Variants in ARID4A observed in about 807,000 individuals in gnomAD.
The protein encoded by ARID4A is AT-rich interactive domain-containing protein 4A.
A neutral mutation model predicts 148.6 loss-of-function variants in ARID4A; 39 were observed. The ratio of observed to expected loss-of-function variants is 0.26; its 90% CI spans 0.20 to 0.34. The LOEUF (loss-of-function observed/expected upper bound fraction) is 0.34. Among genes scored for constraint, ARID4A ranks in the 10% least tolerant of loss-of-function variants. ARID4A has a pLI of 1.00. For missense variants in ARID4A, 1,265 were observed against 1,449.1 expected, an observed-to-expected ratio of 0.87 and a Z score of 2.06; for synonymous variants, 475 against 481.2, an observed-to-expected ratio of 0.99 and a Z score of 0.17.
intron 20 of ARID4A, 89 bp downstream of exon 20, chr14:58,365,389 T>C: frequency 6.9e-7 from 1 of 1,450,442 alleles, no homozygotes; most frequent in Non-Finnish European, 9.3e-7. Flanking sequence ...TGTAAAGTAC[T>C]TTCTTTTTCT....
chr14:58,310,415 A>C (rs1017469405), intron 5 of ARID4A, among the ~76,000 whole-genome samples: 1 of 152,200 alleles, frequency 6.6e-6, no homozygotes, highest in African/African-American at 2.4e-5. Context: ...ACTGGCACAA[A>C]AATAGACACA....
chr14:58,310,418 T>C (rs149929362), intron 5 of ARID4A, among the ~76,000 whole-genome samples: 140 of 152,230 alleles, frequency 9.2e-4, no homozygotes, highest in African/African-American at 3.2e-3. Flanking sequence ...GGCACAAAAA[T>C]AGACACATAG....
chr14:58,339,736 C>T (rs1037809360), intron 11 of ARID4A, among the ~76,000 whole-genome samples: 1 of 152,036 alleles, frequency 6.6e-6, no homozygotes, highest in Non-Finnish European at 1.5e-5. Context: ...GTTTAATTGA[C>T]TCACAGTTCC....
intron 8 of ARID4A, among the ~76,000 whole-genome samples, chr14:58,326,701 C>T (rs1230668013): frequency 6.6e-6 from 1 of 152,102 alleles, no homozygotes; most frequent in Non-Finnish European, 1.5e-5. Flanking sequence ...CTGGAGGTGG[C>T]AGGAATCTAT....
At position 58,371,977 on chromosome 14, in the gene ARID4A, A is replaced by G. The variant is rs2035635927; in HGVS notation, c.3762A>G (p.Val1254=). ...CTCCCCCACAAAATGTACTTGCTGT[A>G]GAATGCAGGTGATAAACATTTTCTC... ...SSSPPQNVLA[V]ECR The change falls in exon 24 of 24, where the codon GTA becomes GTG. Residue 1254 remains valine, a synonymous_variant. Transcript: ENST00000355431. 1.9e-6 allele frequency: 3 copies of G among 1,605,116 alleles called. No homozygotes were observed. The highest frequency in any genetic ancestry group is 2.6e-6 in the Non-Finnish European group (3 of 1,171,912).
intron 19 of ARID4A, 29 bp from the exon 20 acceptor site, chr14:58,364,141 G>C (rs527281448): frequency 1.7e-6 from 2 of 1,161,754 alleles, no homozygotes; most frequent in East Asian, 2.9e-5. Flanking sequence ...ATAAAAACCT[G>C]TATAATATAA....
rs1321269355 is a variant in ARID4A at position 58,372,049 on chromosome 14, G to C, written c.*60G>C. On this transcript the variant is annotated 3_prime_UTR_variant, in exon 24 of 24. Transcript: ENST00000355431. ...CCATGGACATAAATCCCCAAACCCT[G>C]AATTACAACCACAGAAAGCACTCAA... The C allele has an allele frequency of 8.4e-7, 1 of 1,193,026 alleles. No homozygotes were observed. Among genetic ancestry groups the C allele is most frequent in the Non-Finnish European group, 1.2e-6 (1 of 808,436 alleles). The allele number at this position is 1,193,026 out of a possible 1,614,324, so 73.9% of individuals were successfully genotyped here. A position where few individuals can be genotyped will look rare whatever the true frequency, so the allele number is the denominator to read the frequency against.
At position 58,319,521 on chromosome 14, in the gene ARID4A, C is replaced by CTTTTTTTT. The variant is rs71107934; in HGVS notation, c.449+748_449+755dup. Among the ~76,000 whole-genome samples, 8 of 62,090 alleles carry CTTTTTTTT rather than the reference C, an allele frequency of 1.3e-4. 2 individuals carry two copies. The highest frequency in any genetic ancestry group is 5.1e-4 in the East Asian group (1 of 1,944). The allele number at this position is 62,090 out of a possible 152,430, so 40.7% of individuals were successfully genotyped here. On this transcript the variant is annotated intron_variant, in intron 7 of 23. Coordinates refer to ENST00000355431, the MANE Select transcript of ARID4A (RefSeq NM_002892.4). Reference sequence around the variant, plus strand: ...ATCTGTGTATGAATGTCTATATACTCTTTTTTTTTTTTTTTTTTTTTTTTT... The same window carrying CTTTTTTTT: ...ATCTGTGTATGAATGTCTATATACTCTTTTTTTTTTTTTTTTTTTTTTTTTTTTTTTTT...
chr14:58,334,149 T>G (rs573549371), intron 11 of ARID4A, among the ~76,000 whole-genome samples: 109 of 152,284 alleles, frequency 7.2e-4, no homozygotes, highest in Middle Eastern at 3.4e-3. Context: ...CACAAAAATA[T>G]AGCTACATAC....
chr14:58,316,539 C>T (rs2032424261), intron 5 of ARID4A, among the ~76,000 whole-genome samples: 1 of 152,102 alleles, frequency 6.6e-6, no homozygotes, highest in East Asian at 1.9e-4. Context: ...TTCCTTACCC[C>T]ATTTCCTTGA....
chr14:58,371,515 G>A lies in ARID4A; in HGVS notation c.3671-371G>A, dbSNP rs375155792. Reference sequence around the variant, plus strand: ...CTCTGAGTTAAATTAATTCTCTTACGGTCCTATGACCCATAGATAAAGCAG... The same window carrying A: ...CTCTGAGTTAAATTAATTCTCTTACAGTCCTATGACCCATAGATAAAGCAG... On this transcript the variant is annotated intron_variant, in intron 23 of 23. Transcript: ENST00000355431. Among the ~76,000 whole-genome samples the A allele has an allele frequency of 2.6e-5, 4 of 152,096 alleles. 1 individual carries two copies.
intron 17 of ARID4A, among the ~76,000 whole-genome samples, chr14:58,356,835 G>A (rs763962879): frequency 5.9e-5 from 9 of 151,816 alleles, no homozygotes; most frequent in Non-Finnish European, 1.2e-4. Flanking sequence ...CCAAGTAGCT[G>A]GGACTACAGA....
In ARID4A at chr14:58,364,153, A is replaced by C. The variant is rs756738340; in HGVS notation, c.2081-17A>C. On this transcript the variant is annotated splice_polypyrimidine_tract_variant and intron_variant, in intron 19 of 23. Transcript: ENST00000355431. The stretch of plus-strand genomic sequence containing the variant: ...AATATAAAAACCTGTATAATATAAT[A>C]ATATTTCCTCTTACAGACTCTTGTT... 3.2e-6 allele frequency: 4 copies of C among 1,243,684 alleles called. No homozygotes were observed. In the South Asian group the frequency reaches 9.2e-5, roughly 28 times the overall value. The allele number at this position is 1,243,684 out of a possible 1,614,324, so 77.0% of individuals were successfully genotyped here.
Position 58,330,098 on chromosome 14 carries a change from G to C in ARID4A, c.835G>C (p.Asp279His), listed in dbSNP as rs775983032. ...AATCCTTGAGTCATCCAGTAGTGAT[G>C]ATGAAGATGGCCCAGCTGAAGAAAA... ...SEILESSSSDDEDGPAEENDE... is the reference protein window; with the variant it reads ...SEILESSSSDHEDGPAEENDE... Residue 279 changes from aspartate (D) to histidine (H), a missense_variant, in exon 11 of 24, where the codon GAT (aspartate) becomes CAT (histidine). Asp to His is a moderately conservative substitution (Grantham distance 81, BLOSUM62 -1). Coordinates refer to ENST00000355431, the MANE Select transcript of ARID4A (RefSeq NM_002892.4). 2 of 1,613,506 alleles carry C rather than the reference G, an allele frequency of 1.2e-6. No individual in the cohort carries two copies. Among genetic ancestry groups the C allele is most frequent in the Non-Finnish European group, 1.7e-6 (2 of 1,179,802 alleles).
At chr14:58,317,893 G>A (rs192967863) in intron 5 of ARID4A, among the ~76,000 whole-genome samples, 6 of 151,582 alleles carry the variant, frequency 4.0e-5, no homozygotes, top group Admixed American at 1.3e-4. Flanking sequence ...GAGCACTTTC[G>A]GAGGCTTAGG....
Position 58,304,816 on chromosome 14 carries a change from A to G in ARID4A, c.118-128A>G, listed in dbSNP as rs375980956. 400 of 741,600 alleles carry G rather than the reference A, an allele frequency of 5.4e-4. 2 individuals carry two copies. The African/African-American group carries it at 6.3e-3, about 12-fold the overall frequency. The allele number at this position is 741,600 out of a possible 1,614,324, so 45.9% of individuals were successfully genotyped here. A position where few individuals can be genotyped will look rare whatever the true frequency, so the allele number is the denominator to read the frequency against. Reference sequence around the variant, plus strand: ...CAGTTAATAAGAGAATGTAATAAGTATTACATTAGCAGGGGTCACCACATG... The same window carrying G: ...CAGTTAATAAGAGAATGTAATAAGTGTTACATTAGCAGGGGTCACCACATG... On this transcript the variant is annotated intron_variant, in intron 3 of 23. Coordinates refer to ENST00000355431, the MANE Select transcript of ARID4A (RefSeq NM_002892.4).
At chr14:58,365,715 GT>G in intron 21 of ARID4A, 93 bp downstream of exon 21, 1 of 1,084,390 alleles carries the variant, frequency 9.2e-7, no homozygotes, top group Non-Finnish European at 1.3e-6. Context: ...ATACTATATT[GT>G]TTTATAACTG....
intron 17 of ARID4A, among the ~76,000 whole-genome samples, chr14:58,357,206 G>C (rs2034912949): frequency 6.6e-6 from 1 of 152,204 alleles, no homozygotes; most frequent in African/African-American, 2.4e-5. Flanking sequence ...GCTAATATGA[G>C]TGTTCTGAGC....
Position 58,365,556 on chromosome 14 carries a change from G to A in ARID4A, c.3250G>A (p.Ala1084Thr). 1 of 1,594,310 alleles carries A rather than the reference G, an allele frequency of 6.3e-7. No individual in the cohort carries two copies. Among genetic ancestry groups the A allele is most frequent in the Non-Finnish European group, 8.5e-7 (1 of 1,170,806 alleles). ...AAGTGATGGAAATAGTGGATTAATG[G>A]CAAAAAAGCAAAAGCGTACCCCAAA... ...RPSDGNSGLM[A>T]KKQKRTPKRT... is the part of the protein sequence containing the mutation. Residue 1084 changes from alanine to threonine, a missense_variant, in exon 21 of 24, where the codon GCA becomes ACA. Ala to Thr is a moderately conservative substitution (Grantham distance 58). Around this residue, in one of 9 missense-constraint regions of ARID4A, gnomAD observed 666 missense variants for 730.9 expected, o/e 0.91. Coordinates refer to ENST00000355431, the MANE Select transcript of ARID4A (RefSeq NM_002892.4).
Sources: gnomAD v4.1 joint callset for allele counts (sites outside exome capture counted in the v4.1 genomes callset) on GRCh38, gnomAD v4.1.1 for gene constraint, gnomAD v4.1.1 regional missense constraint, MANE v1.5 for transcripts, NCBI Gene and HGNC (gene_info 2026-07-23, HGNC 2026-07-21) for gene names.